Variants in GPBP1 observed in about 807,000 individuals in gnomAD.
The protein encoded by GPBP1 is vasculin.
In GPBP1, 13 loss-of-function variants were observed where a neutral mutation model predicts 56.5. The ratio of observed to expected loss-of-function variants is 0.23; its 90% CI spans 0.15 to 0.37. The LOEUF (loss-of-function observed/expected upper bound fraction) is 0.37. Ranked by LOEUF, GPBP1 falls within the 10% of genes least tolerant of loss-of-function variation. The probability of loss-of-function intolerance (pLI) is 1.00; values close to 1 mark genes in which losing one functional copy is unlikely to be tolerated. For synonymous variants in GPBP1, 204 were observed against 188.9 expected (o/e 1.08, Z -0.66); for missense variants, 477 against 572.3 (o/e 0.83, Z 1.70).
rs534260385 is a variant in GPBP1, at chr5:57,257,223, A to G, written c.1161-3957A>G. 3.1e-3 allele frequency among the ~76,000 whole-genome samples: 478 copies of G among 152,224 alleles called. 4 individuals are homozygous for G. Among genetic ancestry groups the G allele is most frequent in the African/African-American group, 0.011 (457 of 41,548 alleles). On this transcript the variant is annotated intron_variant, in intron 10 of 11. Coordinates refer to ENST00000506184, the MANE Select transcript of GPBP1 (RefSeq NM_022913.4). ...CTAATTTTTTGTATTTTTAATAGAG[A>G]CGAGGTTTCACCATGTTGGCCAGGC...
intron 2 of GPBP1, among the ~76,000 whole-genome samples, chr5:57,196,648 A>G (rs1195223080): frequency 1.3e-5 from 2 of 151,924 alleles, no homozygotes; most frequent in Non-Finnish European, 2.9e-5. Flanking sequence ...GGAGTGATAA[A>G]GTGGAACAAT....
At chr5:57,174,964 C>G (rs1431737698) in intron 1 of GPBP1, among the ~76,000 whole-genome samples, 2 of 152,140 alleles carry the variant, frequency 1.3e-5, no homozygotes, top group African/African-American at 4.8e-5. Context: ...TGGGAATATG[C>G]CTCCTCTAGT....
intron 3 of GPBP1, among the ~76,000 whole-genome samples, chr5:57,217,671 G>A (rs1391977703): frequency 1.3e-5 from 2 of 152,066 alleles, no homozygotes; most frequent in Non-Finnish European, 2.9e-5. Flanking sequence ...GAGACAATGC[G>A]AATGCAAAGA....
chr5:57,216,641 G>GT (rs1755710339), intron 3 of GPBP1, among the ~76,000 whole-genome samples: 1 of 152,116 alleles, frequency 6.6e-6, no homozygotes, highest in African/African-American at 2.4e-5. Context: ...AGCCGAGATC[G>GT]TGCCACTGCA....
At chr5:57,222,275 CTT>C (rs1409221837) in intron 3 of GPBP1, among the ~76,000 whole-genome samples, 6 of 152,108 alleles carry the variant, frequency 3.9e-5, no homozygotes, top group Non-Finnish European at 7.4e-5. Context: ...GGTAGACACT[CTT>C]ATCTCCCCCT....
At chr5:57,221,183 A>G (rs1012774449) in intron 3 of GPBP1, among the ~76,000 whole-genome samples, 2 of 152,198 alleles carry the variant, frequency 1.3e-5, no homozygotes, top group East Asian at 1.9e-4. Context: ...TCTCTTATTT[A>G]GGGCAGTGAC....
At chr5:57,225,545 C>T (rs1167356476) in intron 3 of GPBP1, among the ~76,000 whole-genome samples, 1 of 149,558 alleles carries the variant, frequency 6.7e-6, no homozygotes, top group African/African-American at 2.5e-5. Context: ...ATTAACTGTC[C>T]ATATTAAAAA....
At chr5:57,214,938 A>G (rs1755642179) in intron 3 of GPBP1, among the ~76,000 whole-genome samples, 2 of 152,222 alleles carry the variant, frequency 1.3e-5, no homozygotes, top group African/African-American at 4.8e-5. Flanking sequence ...CTGGGATTAC[A>G]GGCATGCGCC....
intron 10 of GPBP1, among the ~76,000 whole-genome samples, chr5:57,252,315 T>TTTATGCAGG (rs1286868314): frequency 6.6e-6 from 1 of 151,970 alleles, no homozygotes; most frequent in African/African-American, 2.4e-5. Context: ...CCTTGTATGG[T>TTTATGCAGG]TTATGCAGGT....
At chr5:57,208,409 T>C (rs1755328783) in intron 2 of GPBP1, among the ~76,000 whole-genome samples, 1 of 152,006 alleles carries the variant, frequency 6.6e-6, no homozygotes, top group Non-Finnish European at 1.5e-5. Context: ...GATTTTTTTA[T>C]TTTTAGTAGG....
At chr5:57,239,116 G>A (rs936448438) in intron 6 of GPBP1, among the ~76,000 whole-genome samples, 8 of 152,160 alleles carry the variant, frequency 5.3e-5, no homozygotes, top group African/African-American at 2.4e-5. Context: ...TGCTTTGTAT[G>A]TTGAAATGAC....
At chr5:57,225,338 C>G (rs1756132452) in intron 3 of GPBP1, among the ~76,000 whole-genome samples, 1 of 151,532 alleles carries the variant, frequency 6.6e-6, no homozygotes, top group Non-Finnish European at 1.5e-5. Context: ...ACTAAAAATA[C>G]AAAATATTAG....
intron 3 of GPBP1, chr5:57,230,642 T>G (rs548250817): frequency 1.8e-5 from 10 of 571,292 alleles, no homozygotes; most frequent in Non-Finnish European, 3.1e-5. Flanking sequence ...TAAGCACATG[T>G]GCTTGTTTCC....
intron 10 of GPBP1, among the ~76,000 whole-genome samples, chr5:57,252,356 C>T (rs142489912): frequency 6.6e-6 from 1 of 152,164 alleles, no homozygotes; most frequent in Non-Finnish European, 1.5e-5. Flanking sequence ...GGAGTTCAGA[C>T]TCATCCTTTC....
intron 6 of GPBP1, chr5:57,245,459 A>G (rs1741047188): frequency 6.6e-6 from 1 of 152,192 alleles, no homozygotes. Flanking sequence ...ACAGATATCT[A>G]CCCAGCTCAC....
At chr5:57,210,341 G>A (rs887142925) in intron 2 of GPBP1, among the ~76,000 whole-genome samples, 2 of 152,058 alleles carry the variant, frequency 1.3e-5, no homozygotes, top group Admixed American at 6.6e-5. Flanking sequence ...AAAAATTAGG[G>A]TTTTCATACT....
intron 10 of GPBP1, among the ~76,000 whole-genome samples, chr5:57,253,756 G>A (rs1045518591): frequency 2.6e-5 from 4 of 151,632 alleles, no homozygotes; most frequent in East Asian, 1.9e-4. Context: ...CCTGCCAAGG[G>A]TTATGGCTGC....
chr5:57,183,137 G>T (rs561486091), intron 2 of GPBP1, among the ~76,000 whole-genome samples: 31 of 152,000 alleles, frequency 2.0e-4, no homozygotes, highest in Non-Finnish European at 4.4e-4. Context: ...AGGCTGAAGC[G>T]GGTGGATCAC....
chr5:57,226,143 A>G (rs983345967), intron 3 of GPBP1, among the ~76,000 whole-genome samples: 2 of 152,290 alleles, frequency 1.3e-5, no homozygotes, highest in Middle Eastern at 3.4e-3. Flanking sequence ...TCTATTGACA[A>G]TGAGGGGTAA....
Sources: allele counts gnomAD v4.1 joint callset (sites outside exome capture counted in the v4.1 genomes callset), GRCh38; gene constraint gnomAD v4.1.1; transcripts MANE v1.5; gene names NCBI Gene and HGNC (gene_info 2026-07-23, HGNC 2026-07-21).